MAPK14: variants seen among roughly 807,000 people sequenced by gnomAD.
MAPK14 encodes the protein CSAID-binding protein.
Under a neutral mutation model 49.6 loss-of-function variants are expected in MAPK14, and 16 were observed. That is an observed-to-expected ratio of 0.32 (90% CI 0.22 to 0.49). The LOEUF (loss-of-function observed/expected upper bound fraction) is 0.49. Among genes scored for constraint, MAPK14 ranks in the 20% least tolerant of loss-of-function variants. The pLI, the probability that MAPK14 is intolerant of heterozygous loss-of-function variation, is 0.99. For synonymous variants in MAPK14, 142 were observed against 158.0 expected, an observed-to-expected ratio of 0.90 and a Z score of 0.76; for missense variants, 200 against 441.2, an observed-to-expected ratio of 0.45 and a Z score of 4.90.
rs1581847247 is a variant in MAPK14 at position 36,100,348 on chromosome 6, C to CTTAA, written c.763-2222_763-2219dup. The CTTAA allele has an allele frequency of 7.0e-6, 7 of 997,176 alleles. No homozygotes were observed. In the East Asian group the frequency reaches 1.7e-4, roughly 24 times the overall value. 61.8% of individuals were successfully genotyped at this position (997,176 alleles called of 1,614,324 possible). The stretch of plus-strand genomic sequence containing the variant: ...TATTGCCACCGTATAACCAACAGTT[C>CTTAA]TTAACATCACTGGATGCTTGCATGT... On this transcript the variant is annotated intron_variant, in intron 9 of 11. Coordinates refer to ENST00000229794, the MANE Select transcript of MAPK14 (RefSeq NM_139012.3).
At chr6:36,046,114 CT>C (rs1023095288) in intron 1 of MAPK14, among the ~76,000 whole-genome samples, 126 of 152,186 alleles carry the variant, frequency 8.3e-4, no homozygotes, top group African/African-American at 2.8e-3. Context: ...AATGATTATC[CT>C]TGTGTGTTAT....
chr6:36,029,693 A>G lies in MAPK14; in HGVS notation c.116+1420A>G, dbSNP rs899875254. On this transcript the variant is annotated intron_variant, in intron 1 of 11. Transcript: ENST00000229794. ...TCTTCTGGGTAATTGAGATTGTGCA[A>G]TTGTGTCCAGCAACAGATCATATTG... 1.2e-4 allele frequency among the ~76,000 whole-genome samples: 18 copies of G among 152,234 alleles called. No individual in the cohort carries two copies. In the East Asian group the frequency reaches 1.5e-3, roughly 13 times the overall value.
At chr6:36,053,793 G>A (rs925294351) in intron 2 of MAPK14, among the ~76,000 whole-genome samples, 29 of 152,086 alleles carry the variant, frequency 1.9e-4, no homozygotes, top group African/African-American at 6.8e-4. Context: ...CTTCATTAGC[G>A]TACATTTGTT....
At chr6:36,058,990 A>T (rs191718319) in intron 2 of MAPK14, among the ~76,000 whole-genome samples, 1 of 151,500 alleles carries the variant, frequency 6.6e-6, no homozygotes, top group Non-Finnish European at 1.5e-5. Context: ...CCCAGGTTCA[A>T]TCAGTTCTCC....
intron 2 of MAPK14, among the ~76,000 whole-genome samples, chr6:36,056,085 T>G (rs1581760480): frequency 1.3e-5 from 2 of 152,146 alleles, no homozygotes; most frequent in East Asian, 1.9e-4. Context: ...CTTTTCTCTA[T>G]TTTTTTTCAG....
intron 1 of MAPK14, among the ~76,000 whole-genome samples, chr6:36,041,080 G>A (rs937303629): frequency 3.3e-5 from 5 of 152,006 alleles, no homozygotes; most frequent in African/African-American, 1.2e-4. Flanking sequence ...TGTCATTTAG[G>A]CACATTATGT....
At chr6:36,054,007 T>TTTTTTGTTTTTTTTTTTTTTGAGACGG (rs1562112084) in intron 2 of MAPK14, among the ~76,000 whole-genome samples, 6 of 151,886 alleles carry the variant, frequency 4.0e-5, no homozygotes, top group African/African-American at 1.2e-4. Context: ...ACCAGAGTTT[T>TTTTTTGTTTTTTTTTTTTTTGAGACGG]AAGAATGTTC....
At chr6:36,045,124 C>T (rs1365816327) in intron 1 of MAPK14, among the ~76,000 whole-genome samples, 1 of 150,694 alleles carries the variant, frequency 6.6e-6, no homozygotes, top group Non-Finnish European at 1.5e-5. Flanking sequence ...CAGAGTGAGA[C>T]CTTAAAGAAA....
chr6:36,028,441 C>T lies in MAPK14; in HGVS notation c.116+168C>T, dbSNP rs181036056. 2.6e-5 allele frequency among the ~76,000 whole-genome samples: 4 copies of T among 152,372 alleles called. No homozygotes were observed. Among genetic ancestry groups the T allele is most frequent in the African/African-American group, 7.2e-5 (3 of 41,590 alleles). On this transcript the variant is annotated intron_variant, in intron 1 of 11. Coordinates refer to ENST00000229794, the MANE Select transcript of MAPK14 (RefSeq NM_139012.3). This position sits in a 1 kb window ranked among gnomAD's most constrained non-coding sequence, Gnocchi z 5.1. ...CGTTCTGCACCTCCAGCACCCCTCGCCCTGCACTCACGCAGGTATGCGGTC... is the reference window on the plus strand; with the variant it reads ...CGTTCTGCACCTCCAGCACCCCTCGTCCTGCACTCACGCAGGTATGCGGTC...
chr6:36,073,735 TTTGA>T lies in MAPK14; in HGVS notation c.447+18_447+21del. ...TAATTCACAGGGTATGTATTGTGAC[TTTGA>T]TTACATTATTTTGGGGAAGTGGGGT... On this transcript the variant is annotated intron_variant, in intron 5 of 11. Transcript: ENST00000229794. The T allele has an allele frequency of 6.2e-7, 1 of 1,610,356 alleles. No homozygotes were observed. Among genetic ancestry groups the T allele is most frequent in the Non-Finnish European group, 8.5e-7 (1 of 1,177,996 alleles).
At chr6:36,100,389 T>C in intron 9 of MAPK14, 1 of 738,386 alleles carries the variant, frequency 1.4e-6, no homozygotes, top group East Asian at 2.6e-5. Flanking sequence ...GAGGCCTGCC[T>C]ATGTGCTATT....
intron 8 of MAPK14, 27 bp from the exon 9 acceptor site, chr6:36,095,960 A>C: frequency 7.2e-7 from 1 of 1,384,580 alleles, no homozygotes; most frequent in South Asian, 1.2e-5. Context: ...TTTTGTCCCA[A>C]CATTTTCCTT....
At chr6:36,106,662 T>G (rs1378344123) in intron 10 of MAPK14, among the ~76,000 whole-genome samples, 1 of 152,188 alleles carries the variant, frequency 6.6e-6, no homozygotes, top group Non-Finnish European at 1.5e-5. Context: ...AAAATACATA[T>G]AAATACAGAA....
intron 1 of MAPK14, among the ~76,000 whole-genome samples, chr6:36,051,124 T>A (rs983651664): frequency 6.6e-6 from 1 of 151,948 alleles, no homozygotes; most frequent in African/African-American, 2.4e-5. Context: ...TACTATTTTT[T>A]TTTTTTTTTG....
intron 8 of MAPK14, among the ~76,000 whole-genome samples, chr6:36,093,727 A>G (rs1289746924): frequency 2.0e-5 from 3 of 151,222 alleles, no homozygotes; most frequent in South Asian, 2.1e-4. Flanking sequence ...TCTCAAAAAA[A>G]AAAAAAAAAA....
At position 36,098,222 on chromosome 6, in the gene MAPK14, C is replaced by T. The variant is rs145914894; in HGVS notation, c.762+2156C>T. On this transcript the variant is annotated intron_variant, in intron 9 of 11. Coordinates refer to ENST00000229794, the MANE Select transcript of MAPK14 (RefSeq NM_139012.3). ...CAATAATTATGAAGAAATTGAATGC[C>T]GAGTAAGAGAATGCAGTAATGGATT... Among the ~76,000 whole-genome samples, 53 of 151,990 alleles carry T rather than the reference C, an allele frequency of 3.5e-4. No individual in the cohort carries two copies. In the East Asian group the frequency reaches 7.7e-3, roughly 22 times the overall value.
intron 1 of MAPK14, among the ~76,000 whole-genome samples, chr6:36,040,022 A>C (rs1450119878): frequency 6.6e-6 from 1 of 151,704 alleles, no homozygotes; most frequent in Non-Finnish European, 1.5e-5. Context: ...AGAAAGTATC[A>C]GTCCAGAGGA....
At chr6:36,029,389 T>C (rs1762446912) in intron 1 of MAPK14, among the ~76,000 whole-genome samples, 4 of 152,226 alleles carry the variant, frequency 2.6e-5, no homozygotes, top group Non-Finnish European at 1.5e-5. Context: ...TTTCCAGACC[T>C]GAAATATTTC....
intron 8 of MAPK14, 65 bp from the exon 9 acceptor site, chr6:36,095,918 TTTTG>T (rs1765426942): frequency 3.0e-6 from 3 of 998,286 alleles, no homozygotes; most frequent in African/African-American, 3.2e-5. Context: ...TTTGTTTTTG[TTTTG>T]TTTGTCATTG....
Sources: gnomAD v4.1 joint callset for allele counts (sites outside exome capture counted in the v4.1 genomes callset) on GRCh38, gnomAD v4.1.1 for gene constraint, Gnocchi (gnomAD v3.1) non-coding constraint, MANE v1.5 for transcripts, NCBI Gene and HGNC (gene_info 2026-07-23, HGNC 2026-07-21) for gene names.